Variants in SORCS1 observed in about 807,000 individuals in gnomAD.
The protein encoded by SORCS1 is sortilin related VPS10 domain containing receptor 1.
Under a neutral mutation model 146.1 loss-of-function variants are expected in SORCS1, and 60 were observed. That is an observed-to-expected ratio of 0.41 (90% CI 0.33 to 0.51). SORCS1 has a LOEUF of 0.51. SORCS1 is among the 20% of genes least tolerant of loss of function. The pLI, the probability that SORCS1 is intolerant of heterozygous loss-of-function variation, is 0.21. For synonymous variants in SORCS1, 637 were observed against 584.0 expected, an observed-to-expected ratio of 1.09 and a Z score of -1.31; for missense variants, 1,352 against 1,487.6, an observed-to-expected ratio of 0.91 and a Z score of 1.50.
chr10:106,797,704 C>A (rs1167002586), intron 3 of SORCS1, among the ~76,000 whole-genome samples: 1 of 152,028 alleles, frequency 6.6e-6, no homozygotes. Context: ...TATACCAGCC[C>A]CAGCAGATGG....
intron 1 of SORCS1, among the ~76,000 whole-genome samples, chr10:106,966,976 TTATA>T (rs1955524352): frequency 6.6e-6 from 1 of 152,214 alleles, no homozygotes; most frequent in South Asian, 2.1e-4. Flanking sequence ...AGTCAGGTCT[TTATA>T]TTCAGTAAAT....
Position 107,046,016 on chromosome 10 carries a change from G to C in SORCS1, c.559-89436C>G, listed in dbSNP as rs568461682. Among the ~76,000 whole-genome samples, 16 of 151,674 alleles carry C rather than the reference G, an allele frequency of 1.1e-4. 1 individual carries two copies. The highest frequency in any genetic ancestry group is 2.9e-4 in the African/African-American group (12 of 41,322). Reference sequence around the variant, plus strand: ...GGCTGGAGTGCAGTGGTGCGATCTCGGCTCACTGCAACTTCTGCCTCCCGG... The same window carrying C: ...GGCTGGAGTGCAGTGGTGCGATCTCCGCTCACTGCAACTTCTGCCTCCCGG... On this transcript the variant is annotated intron_variant, in intron 1 of 25. Transcript: ENST00000263054.
chr10:106,650,342 A>C (rs1327969542), intron 18 of SORCS1, among the ~76,000 whole-genome samples: 2 of 152,208 alleles, frequency 1.3e-5, no homozygotes, highest in Admixed American at 6.5e-5. Context: ...GATTTCCAGA[A>C]GTTCCAAGAA....
intron 17 of SORCS1, among the ~76,000 whole-genome samples, chr10:106,666,080 T>C (rs1443004555): frequency 6.6e-6 from 1 of 152,200 alleles, no homozygotes; most frequent in Non-Finnish European, 1.5e-5. Flanking sequence ...GACCTTGTGA[T>C]CCGCCCACCT....
At chr10:106,822,597 T>C (rs932198742) in intron 3 of SORCS1, among the ~76,000 whole-genome samples, 1 of 152,140 alleles carries the variant, frequency 6.6e-6, no homozygotes, top group Non-Finnish European at 1.5e-5. Flanking sequence ...AACAGAACAA[T>C]GCTTCATGGA....
intron 1 of SORCS1, among the ~76,000 whole-genome samples, chr10:107,121,726 T>C (rs1044117664): frequency 1.3e-5 from 2 of 152,174 alleles, no homozygotes; most frequent in Admixed American, 1.3e-4. Flanking sequence ...TGGAGAATTG[T>C]TATGATAAGG....
At chr10:106,786,875 G>C (rs1946078875) in intron 3 of SORCS1, among the ~76,000 whole-genome samples, 1 of 152,058 alleles carries the variant, frequency 6.6e-6, no homozygotes, top group African/African-American at 2.4e-5. Flanking sequence ...AATTTTCATT[G>C]GGTCTTACCT....
At position 106,792,819 on chromosome 10, in the gene SORCS1, A is replaced by T. The variant is rs554770141; in HGVS notation, c.727-16127T>A. Among the ~76,000 whole-genome samples the T allele has an allele frequency of 9.2e-5, 14 of 152,334 alleles. No homozygotes were observed. In the South Asian group the frequency reaches 2.3e-3, roughly 25 times the overall value. On this transcript the variant is annotated intron_variant, in intron 3 of 25. Transcript: ENST00000263054. Reference sequence around the variant, plus strand: ...GCCTTGTCTATAAAATATTTTAATGAATATAATAAATATTCAAAAAAATTA... The same window carrying T: ...GCCTTGTCTATAAAATATTTTAATGTATATAATAAATATTCAAAAAAATTA...
In SORCS1 at chr10:106,647,883, T is replaced by C. The variant is rs1191343824; in HGVS notation, c.2475+4499A>G. On this transcript the variant is annotated intron_variant, in intron 18 of 25. Coordinates refer to ENST00000263054, the MANE Select transcript of SORCS1 (RefSeq NM_052918.5). ...GTTTTTTAATTTTAATTTTAATGTG[T>C]TTGAGACAGGGTCTCGCTCTGTCAG... Among the ~76,000 whole-genome samples, 4 of 152,316 alleles carry C rather than the reference T, an allele frequency of 2.6e-5. No individual in the cohort carries two copies. The South Asian group carries it at 8.3e-4, about 32-fold the overall frequency.
intron 2 of SORCS1, among the ~76,000 whole-genome samples, chr10:106,935,010 C>T (rs1953638602): frequency 6.6e-6 from 1 of 152,000 alleles, no homozygotes; most frequent in Admixed American, 6.6e-5. Context: ...CAGACTTCAT[C>T]ACTATACAAT....
chr10:107,030,508 A>G (rs1280939639), intron 1 of SORCS1, among the ~76,000 whole-genome samples: 1 of 152,230 alleles, frequency 6.6e-6, no homozygotes, highest in Non-Finnish European at 1.5e-5. Flanking sequence ...GACAAAGGAA[A>G]ATCACAAATA....
At chr10:106,677,190 C>A in intron 13 of SORCS1, 123 bp downstream of exon 13, 1 of 890,876 alleles carries the variant, frequency 1.1e-6, no homozygotes, top group Admixed American at 2.2e-5. Context: ...CTGAACCAAA[C>A]CTCGGCATTT....
chr10:106,643,733 C>T (rs936244132), intron 18 of SORCS1, among the ~76,000 whole-genome samples: 9 of 152,196 alleles, frequency 5.9e-5, no homozygotes, highest in Admixed American at 5.9e-4. Flanking sequence ...AATCTGTTCC[C>T]ACATCACTCA....
Position 106,988,847 on chromosome 10 carries a change from T to G in SORCS1, c.559-32267A>C, listed in dbSNP as rs1956608860. The stretch of plus-strand genomic sequence containing the variant: ...AGCCAGAAGTCCCATCACTTAAAAC[T>G]ATAGTATACTAAGCAAAGTGGTAGA... On this transcript the variant is annotated intron_variant, in intron 1 of 25. Transcript: ENST00000263054. Among the ~76,000 whole-genome samples the G allele has an allele frequency of 2.6e-5, 4 of 152,252 alleles. No homozygotes were observed. In the South Asian group the frequency reaches 8.3e-4, roughly 32 times the overall value.
chr10:106,921,627 G>C (rs780168773), intron 2 of SORCS1, among the ~76,000 whole-genome samples: 1 of 152,082 alleles, frequency 6.6e-6, no homozygotes, highest in Admixed American at 6.5e-5. Flanking sequence ...ACAGGGAGTC[G>C]GGAGGAAGGA....
At chr10:106,758,690 A>G (rs189640028) in intron 5 of SORCS1, among the ~76,000 whole-genome samples, 2 of 152,342 alleles carry the variant, frequency 1.3e-5, no homozygotes, top group East Asian at 3.9e-4. Flanking sequence ...CTTTACATGT[A>G]AAACACACAG....
At chr10:106,855,780 G>T (rs1002188295) in intron 2 of SORCS1, among the ~76,000 whole-genome samples, 3 of 151,966 alleles carry the variant, frequency 2.0e-5, no homozygotes, top group East Asian at 3.9e-4. Context: ...CTTCCATGTT[G>T]TCTGCTTTTT....
intron 1 of SORCS1, among the ~76,000 whole-genome samples, chr10:107,074,722 C>T (rs932443824): frequency 1.3e-5 from 2 of 152,036 alleles, no homozygotes; most frequent in African/African-American, 4.8e-5. Context: ...TTTCAGTGTT[C>T]TCAATTTTGG....
intron 1 of SORCS1, among the ~76,000 whole-genome samples, chr10:107,154,495 A>G (rs1652919253): frequency 6.6e-6 from 1 of 152,210 alleles, no homozygotes; most frequent in South Asian, 2.1e-4. Flanking sequence ...CACAGGTACA[A>G]AGTTATAGGT....
Sources: gnomAD v4.1 joint callset for allele counts (sites outside exome capture counted in the v4.1 genomes callset) on GRCh38, gnomAD v4.1.1 for gene constraint, MANE v1.5 for transcripts, NCBI Gene and HGNC (gene_info 2026-07-23, HGNC 2026-07-21) for gene names.